ADCY9: variants seen among roughly 807,000 people sequenced by gnomAD.
The protein encoded by ADCY9 is adenylate cyclase 9.
In ADCY9, 50 loss-of-function variants were observed where a neutral mutation model predicts 101.5. The ratio of observed to expected loss-of-function variants is 0.49; its 90% CI spans 0.39 to 0.62. The LOEUF (loss-of-function observed/expected upper bound fraction) is 0.62, where lower values mean the gene tolerates loss of function less well. Ranked by LOEUF, ADCY9 falls within the 20% of genes least tolerant of loss-of-function variation. The probability of loss-of-function intolerance (pLI) is 0.00; values close to 1 mark genes in which losing one functional copy is unlikely to be tolerated. For synonymous variants in ADCY9, 905 were observed against 769.3 expected (o/e 1.18, Z -2.92); for missense variants, 1,662 against 1,800.4 (o/e 0.92, Z 1.39).
At chr16:4,081,992 C>T (rs2056906557) in intron 2 of ADCY9, among the ~76,000 whole-genome samples, 1 of 152,052 alleles carries the variant, frequency 6.6e-6, no homozygotes, top group Non-Finnish European at 1.5e-5. Flanking sequence ...AGCTGGAGAA[C>T]TGAAGGCAAG....
At chr16:4,113,635 A>T in intron 2 of ADCY9, 115 bp downstream of exon 2, 1 of 1,348,726 alleles carries the variant, frequency 7.4e-7, no homozygotes, top group Non-Finnish European at 1.0e-6. Flanking sequence ...CCCCATGGTA[A>T]GGCATTCTGA....
intron 2 of ADCY9, among the ~76,000 whole-genome samples, chr16:4,108,065 C>A (rs565405238): frequency 1.3e-5 from 2 of 152,324 alleles, no homozygotes; most frequent in East Asian, 3.9e-4. Context: ...CCCTGGTATT[C>A]CCCTCTTCAG....
At chr16:4,019,752 A>G (rs530844491) in intron 2 of ADCY9, among the ~76,000 whole-genome samples, 7 of 152,224 alleles carry the variant, frequency 4.6e-5, no homozygotes, top group Non-Finnish European at 8.8e-5. Flanking sequence ...TGGAGGTACT[A>G]GCCTCAAACA....
chr16:4,064,061 C>T (rs925046673), intron 2 of ADCY9, among the ~76,000 whole-genome samples: 5 of 152,130 alleles, frequency 3.3e-5, no homozygotes, highest in Non-Finnish European at 5.9e-5. Flanking sequence ...CAAAAAACTA[C>T]TAGAACTAAT....
At chr16:4,004,662 ACACT>A (rs1324175431) in intron 3 of ADCY9, among the ~76,000 whole-genome samples, 1 of 152,232 alleles carries the variant, frequency 6.6e-6, no homozygotes, top group Non-Finnish European at 1.5e-5. Context: ...AAGTTATTTA[ACACT>A]CAGTCTCTGA....
At position 3,966,006 on chromosome 16, in the gene ADCY9, C is replaced by T. The variant is rs778588883; in HGVS notation, c.3831G>A (p.Glu1277=). The change falls in exon 11 of 11, where the codon GAG becomes GAA. Residue 1277 remains glutamate, a synonymous_variant. Transcript: ENST00000294016. ...DGSIGRSPTD[E]IANLVPSVQY... is the part of the protein sequence containing the mutation. ...GGACAGAAGGCACCAGGTTGGCAAT[C>T]TCGTCTGTGGGAGACCGTCCGATGC... 1.2e-6 allele frequency: 2 copies of T among 1,614,222 alleles called. No homozygotes were observed. Among genetic ancestry groups the T allele is most frequent in the Non-Finnish European group, 8.5e-7 (1 of 1,180,042 alleles).
chr16:3,974,186 C>T (rs1043493967), intron 10 of ADCY9, among the ~76,000 whole-genome samples: 2 of 152,124 alleles, frequency 1.3e-5, no homozygotes, highest in African/African-American at 2.4e-5. Flanking sequence ...GGACTACAGG[C>T]GCCCGCCACC....
At chr16:4,067,932 A>G (rs1369964106) in intron 2 of ADCY9, among the ~76,000 whole-genome samples, 1 of 152,210 alleles carries the variant, frequency 6.6e-6, no homozygotes, top group African/African-American at 2.4e-5. Context: ...TGCAACATAG[A>G]ATTTAATTAA....
At chr16:4,085,154 G>C (rs2056929510) in intron 2 of ADCY9, among the ~76,000 whole-genome samples, 1 of 152,174 alleles carries the variant, frequency 6.6e-6, no homozygotes, top group Admixed American at 6.5e-5. Flanking sequence ...TTGAGGTCAG[G>C]AGTTCGAGAC....
chr16:3,997,633 C>T (rs1468563603), intron 3 of ADCY9, among the ~76,000 whole-genome samples: 1 of 152,194 alleles, frequency 6.6e-6, no homozygotes, highest in Non-Finnish European at 1.5e-5. Flanking sequence ...TCCTGAGGGC[C>T]GGGACAGTGC....
At chr16:4,030,008 C>T (rs570201362) in intron 2 of ADCY9, among the ~76,000 whole-genome samples, 1 of 152,182 alleles carries the variant, frequency 6.6e-6, no homozygotes, top group Admixed American at 6.5e-5. Context: ...GGATGCAGAG[C>T]CACCCACAGG....
At chr16:4,046,510 T>C (rs2601831) in intron 2 of ADCY9, among the ~76,000 whole-genome samples, 107,235 of 152,120 alleles carry the variant, frequency 0.7, 42,975 homozygotes, top group East Asian at 0.94. Flanking sequence ...CCAGAGGAAA[T>C]CGTGAGTTCT....
At chr16:3,959,774 C>T (rs1429856956), downstream of ADCY9, among the ~76,000 whole-genome samples, 3 of 152,142 alleles carry the variant, frequency 2.0e-5, no homozygotes, top group Non-Finnish European at 2.9e-5. Flanking sequence ...GGCTGTAATC[C>T]TAGCACTCTG....
In ADCY9 at chr16:3,992,467, A is replaced by C. The variant is rs1338354157; in HGVS notation, c.1990-104T>G. On this transcript the variant is annotated intron_variant, in intron 4 of 10. Coordinates refer to ENST00000294016, the MANE Select transcript of ADCY9 (RefSeq NM_001116.4). This position sits in a 1 kb window ranked among gnomAD's most constrained non-coding sequence, Gnocchi z 4.2. The stretch of plus-strand genomic sequence containing the variant: ...GACCTCCGCTGCGGGGCGCTGCTGC[A>C]CTGGGCGTGGGACTTTCTGACCTGC... The C allele has an allele frequency of 4.6e-6, 5 of 1,088,410 alleles. No homozygotes were observed. The highest frequency in any genetic ancestry group is 5.3e-6 in the Non-Finnish European group (4 of 754,892). The allele number at this position is 1,088,410 out of a possible 1,614,324, so 67.4% of individuals were successfully genotyped here.
intron 2 of ADCY9, among the ~76,000 whole-genome samples, chr16:4,076,837 G>T (rs1415685918): frequency 6.6e-6 from 1 of 152,110 alleles, no homozygotes; most frequent in Non-Finnish European, 1.5e-5. Flanking sequence ...AGCACTTTGG[G>T]AGGCCAAGGG....
At chr16:3,985,235 G>T (rs867590154) in intron 6 of ADCY9, among the ~76,000 whole-genome samples, 1 of 144,596 alleles carries the variant, frequency 6.9e-6, no homozygotes, top group Non-Finnish European at 1.5e-5. Flanking sequence ...CGCCTCCCAG[G>T]TTCAAGCAAT....
intron 2 of ADCY9, among the ~76,000 whole-genome samples, chr16:4,050,035 A>T (rs2141147711): frequency 6.6e-6 from 1 of 152,128 alleles, no homozygotes; most frequent in South Asian, 2.1e-4. Context: ...TGTCTCAAAA[A>T]AAAAAAAAGA....
chr16:3,969,677 C>T (rs1333205429), intron 10 of ADCY9, among the ~76,000 whole-genome samples: 2 of 136,056 alleles, frequency 1.5e-5, no homozygotes, highest in African/African-American at 5.4e-5. Flanking sequence ...TGCAGTGGTG[C>T]GATCCTAGCT....
intron 2 of ADCY9, among the ~76,000 whole-genome samples, chr16:4,033,591 T>C (rs547272601): frequency 6.6e-6 from 1 of 152,118 alleles, no homozygotes; most frequent in African/African-American, 2.4e-5. Context: ...TAATTTTTTA[T>C]GATTTAGTAG....
Sources: gnomAD v4.1 joint callset for allele counts (sites outside exome capture counted in the v4.1 genomes callset) on GRCh38, gnomAD v4.1.1 for gene constraint, Gnocchi (gnomAD v3.1) non-coding constraint, MANE v1.5 for transcripts, NCBI Gene and HGNC (gene_info 2026-07-23, HGNC 2026-07-21) for gene names.